Variants in SLC5A3 observed in about 807,000 individuals in gnomAD.
SLC5A3 encodes solute carrier family 5 member 3.
SLC5A3 carries 10 observed loss-of-function variants against 43.2 expected under a neutral mutation model. The observed-to-expected ratio is 0.23, with a 90% CI of 0.14 to 0.39. The LOEUF (loss-of-function observed/expected upper bound fraction) is 0.39, where lower values mean the gene tolerates loss of function less well. Ranked by LOEUF, SLC5A3 falls within the 10% of genes least tolerant of loss-of-function variation. The pLI, the probability that SLC5A3 is intolerant of heterozygous loss-of-function variation, is 1.00. For missense variants in SLC5A3, 608 were observed against 893.4 expected (o/e 0.68, Z 4.07); for synonymous variants, 349 against 322.0 (o/e 1.08, Z -0.90).
intron 1 of SLC5A3, among the ~76,000 whole-genome samples, chr21:34,078,849 G>A (rs995839742): frequency 3.3e-5 from 5 of 152,110 alleles, no homozygotes; most frequent in African/African-American, 1.2e-4. Flanking sequence ...CCTATTTAAT[G>A]TTCTTAGCTT....
intron 1 of SLC5A3, among the ~76,000 whole-genome samples, chr21:34,089,531 A>T (rs1978573124): frequency 6.6e-6 from 1 of 152,208 alleles, no homozygotes; most frequent in Non-Finnish European, 1.5e-5. Flanking sequence ...AATCAGGTTA[A>T]AATGAATATA....
intron 1 of SLC5A3, among the ~76,000 whole-genome samples, chr21:34,083,998 A>G (rs1157559390): frequency 1.3e-5 from 2 of 152,156 alleles, no homozygotes; most frequent in African/African-American, 4.8e-5. Context: ...TGCAAGAGGA[A>G]AATCCAGCTG....
At chr21:34,083,376 G>A (rs1219469550) in intron 1 of SLC5A3, among the ~76,000 whole-genome samples, 1 of 152,196 alleles carries the variant, frequency 6.6e-6, no homozygotes. Context: ...GATGCCCCGT[G>A]TATGAATTCC....
Position 34,100,757 on chromosome 21 carries a change from C to G in SLC5A3, c.*3402C>G, listed in dbSNP as rs1355716109. 2 of 999,982 alleles carry G rather than the reference C, an allele frequency of 2.0e-6. No individual in the cohort carries two copies. Among genetic ancestry groups the G allele is most frequent in the Admixed American group, 6.2e-5 (1 of 16,248 alleles). 61.9% of individuals were successfully genotyped at this position (999,982 alleles called of 1,614,324 possible). ...AATAGAGTGTGTCTGTATTCGCAGT[C>G]CATGGCTCATTTTCTTTATAGTAGG... is the stretch of plus-strand genomic sequence containing the variant. On this transcript the variant is annotated 3_prime_UTR_variant, in exon 2 of 2. Transcript: ENST00000381151.
rs905734902 is a variant in SLC5A3, at chr21:34,099,947, C to T, written c.*2592C>T. 2 of 416,314 alleles carry T rather than the reference C, an allele frequency of 4.8e-6. No individual in the cohort carries two copies. The highest frequency in any genetic ancestry group is 6.7e-6 in the Non-Finnish European group (2 of 296,744). 25.8% of individuals were successfully genotyped at this position (416,314 alleles called of 1,614,324 possible). On this transcript the variant is annotated 3_prime_UTR_variant, in exon 2 of 2. Coordinates refer to ENST00000381151, the MANE Select transcript of SLC5A3 (RefSeq NM_006933.7). ...CTTAATTCAGGGACCAGTCTTCAATCTATATTTCATTAGAATGATTGTTCC... is the reference window on the plus strand; with the variant it reads ...CTTAATTCAGGGACCAGTCTTCAATTTATATTTCATTAGAATGATTGTTCC...
Position 34,096,321 on chromosome 21 carries a change from C to T in SLC5A3, c.1123C>T (p.Leu375=), listed in dbSNP as rs762488663. Reference sequence around the variant, plus strand: ...AATGATGGCAGTGATGATTGCAGCTCTGATGAGTGACTTAGACTCTATCTT... The same window carrying T: ...AATGATGGCAGTGATGATTGCAGCTTTGATGAGTGACTTAGACTCTATCTT... The part of the protein sequence containing the change: ...GLMMAVMIAA[L]MSDLDSIFNS... The change falls in exon 2 of 2, where the codon CTG becomes TTG. Residue 375 remains leucine, a synonymous_variant. Transcript: ENST00000381151. The surrounding 1 kb of genome is among the most constrained non-coding windows in gnomAD (Gnocchi z 5.9). The T allele has an allele frequency of 9.9e-6, 16 of 1,614,116 alleles. No homozygotes were observed. In the East Asian group the frequency reaches 3.1e-4, roughly 31 times the overall value.
chr21:34,097,478 A>G lies in SLC5A3; in HGVS notation c.*123A>G, dbSNP rs2148659961. The G allele has an allele frequency of 6.9e-7, 1 of 1,449,710 alleles. No homozygotes were observed. The highest frequency in any genetic ancestry group is 9.1e-7 in the Non-Finnish European group (1 of 1,101,510). 89.8% of individuals were successfully genotyped at this position (1,449,710 alleles called of 1,614,324 possible). A position where few individuals can be genotyped will look rare whatever the true frequency, so the allele number is the denominator to read the frequency against. On this transcript the variant is annotated 3_prime_UTR_variant, in exon 2 of 2. Transcript: ENST00000381151. The stretch of plus-strand genomic sequence containing the variant: ...TGTAGGTTTTAGCCAAATTTTACTT[A>G]GCAGAAAATCATCTAATTACAAGAC...
chr21:34,101,854 A>G lies in SLC5A3; in HGVS notation c.*4499A>G, dbSNP rs1979251620. Reference sequence around the variant, plus strand: ...TAATAAAAGCACTGTTTTATTCTCAAAACTCCTTTTTCAAAAATTAGGGAG... The same window carrying G: ...TAATAAAAGCACTGTTTTATTCTCAGAACTCCTTTTTCAAAAATTAGGGAG... On this transcript the variant is annotated 3_prime_UTR_variant, in exon 2 of 2. Transcript: ENST00000381151. 1 of 999,896 alleles carries G rather than the reference A, an allele frequency of 1.0e-6. No homozygotes were observed. Among genetic ancestry groups the G allele is most frequent in the South Asian group, 4.7e-5 (1 of 21,288 alleles). 61.9% of individuals were successfully genotyped at this position (999,896 alleles called of 1,614,324 possible).
rs1979111582 is a variant in SLC5A3 at position 34,099,107 on chromosome 21, T to G, written c.*1752T>G. ...TAGTGTCTTCCCATGATCAGGAGGC[T>G]TTCTGAAGGACTGAGTCTGTAAATG... is the stretch of plus-strand genomic sequence containing the variant. On this transcript the variant is annotated 3_prime_UTR_variant, in exon 2 of 2. Coordinates refer to ENST00000381151, the MANE Select transcript of SLC5A3 (RefSeq NM_006933.7). 1 of 999,688 alleles carries G rather than the reference T, an allele frequency of 1.0e-6. No homozygotes were observed. Among genetic ancestry groups the G allele is most frequent in the Admixed American group, 6.2e-5 (1 of 16,252 alleles). The allele number at this position is 999,688 out of a possible 1,614,324, so 61.9% of individuals were successfully genotyped here. A position where few individuals can be genotyped will look rare whatever the true frequency, so the allele number is the denominator to read the frequency against.
chr21:34,097,118 T>TGAGAAAGA lies in SLC5A3; in HGVS notation c.1929_1936dup (p.Lys646ArgfsTer16). 6.2e-7 allele frequency: 1 copy of TGAGAAAGA among 1,613,766 alleles called. No individual in the cohort carries two copies. Among genetic ancestry groups the TGAGAAAGA allele is most frequent in the Non-Finnish European group, 8.5e-7 (1 of 1,179,908 alleles). ...CCAATGGGCAAGCAGCTCTCATGGGTGAGAAAGAGAGAAAGAAAGAAACGG... is the reference window on the plus strand; with the variant it reads ...CCAATGGGCAAGCAGCTCTCATGGGTGAGAAAGAGAGAAAGAGAGAAAGAAAGAAACGG... On this transcript the variant is annotated frameshift_variant, in exon 2 of 2. Transcript: ENST00000381151. LOFTEE classifies it high-confidence loss of function.
intron 1 of SLC5A3, among the ~76,000 whole-genome samples, chr21:34,077,923 A>G (rs1197342664): frequency 2.6e-5 from 4 of 152,216 alleles, no homozygotes; most frequent in Non-Finnish European, 5.9e-5. Flanking sequence ...CTAGAGTTCT[A>G]TTCAAGTTAG....
intron 1 of SLC5A3, among the ~76,000 whole-genome samples, chr21:34,087,236 C>T (rs527756280): frequency 6.7e-6 from 1 of 148,378 alleles, no homozygotes; most frequent in South Asian, 2.2e-4. Flanking sequence ...GATTGCAGAT[C>T]ACTGGTGGAG....
intron 1 of SLC5A3, among the ~76,000 whole-genome samples, chr21:34,077,385 A>T (rs1989358156): frequency 6.6e-6 from 1 of 152,228 alleles, no homozygotes; most frequent in Admixed American, 6.5e-5. Flanking sequence ...AACGCTAATT[A>T]CGTCTCGTGC....
Position 34,106,124 on chromosome 21 carries a change from T to C in SLC5A3, c.*8769T>C. The stretch of plus-strand genomic sequence containing the variant: ...TGCTGCATTAGCCTTCAAAAGTATT[T>C]GGAAACTTAAGATGAACTACATTTC... On this transcript the variant is annotated 3_prime_UTR_variant, in exon 2 of 2. Transcript: ENST00000381151. 1.0e-6 allele frequency: 1 copy of C among 997,580 alleles called. No individual in the cohort carries two copies. The highest frequency in any genetic ancestry group is 1.2e-6 in the Non-Finnish European group (1 of 827,486). 61.8% of individuals were successfully genotyped at this position (997,580 alleles called of 1,614,324 possible).
At chr21:34,078,440 ATGTATGAAGAC>A (rs1343888939) in intron 1 of SLC5A3, among the ~76,000 whole-genome samples, 2 of 152,106 alleles carry the variant, frequency 1.3e-5, no homozygotes, top group Non-Finnish European at 2.9e-5. Context: ...TATGGTTTGT[ATGTATGAAGAC>A]TGCTTGTCAG....
rs10854370 is a variant in SLC5A3, at chr21:34,094,849, C to T, written c.-336-14C>T. 197,302 of 197,302 alleles carry T rather than the reference C, an allele frequency of 1. 98,651 individuals carry two copies. Among genetic ancestry groups the T allele is most frequent in the Non-Finnish European group, 1 (98,784 of 98,784 alleles). The allele number at this position is 197,302 out of a possible 1,614,324, so 12.2% of individuals were successfully genotyped here. A position where few individuals can be genotyped will look rare whatever the true frequency, so the allele number is the denominator to read the frequency against. On this transcript the variant is annotated splice_polypyrimidine_tract_variant and intron_variant, in intron 1 of 1. Transcript: ENST00000381151. Reference sequence around the variant, plus strand: ...CTACTTCAATCTTTGTCTTTTGTCTCTGCTGCCTTGCAGGGTTGGTACAGT... The same window carrying T: ...CTACTTCAATCTTTGTCTTTTGTCTTTGCTGCCTTGCAGGGTTGGTACAGT...
rs1037446037 is a variant in SLC5A3 at position 34,101,464 on chromosome 21, T to A, written c.*4109T>A. ...GCCAGATGCTAGGTTGTTGAAGGCATTTCAGTGTTGATAATAGCCTGAGCA... is the reference window on the plus strand; with the variant it reads ...GCCAGATGCTAGGTTGTTGAAGGCAATTCAGTGTTGATAATAGCCTGAGCA... On this transcript the variant is annotated 3_prime_UTR_variant, in exon 2 of 2. Coordinates refer to ENST00000381151, the MANE Select transcript of SLC5A3 (RefSeq NM_006933.7). 1.7e-5 allele frequency: 17 copies of A among 999,990 alleles called. No individual in the cohort carries two copies. In the African/African-American group the frequency reaches 2.8e-4, roughly 16 times the overall value. The allele number at this position is 999,990 out of a possible 1,614,324, so 61.9% of individuals were successfully genotyped here. A position where few individuals can be genotyped will look rare whatever the true frequency, so the allele number is the denominator to read the frequency against.
intron 1 of SLC5A3, among the ~76,000 whole-genome samples, chr21:34,080,590 T>G (rs1989436260): frequency 6.6e-6 from 1 of 152,186 alleles, no homozygotes; most frequent in Non-Finnish European, 1.5e-5. Flanking sequence ...GCCTGCAACA[T>G]TAGGAGTATA....
At position 34,104,330 on chromosome 21, in the gene SLC5A3, A is replaced by T; in HGVS notation, c.*6975A>T. 3.0e-6 allele frequency: 3 copies of T among 999,268 alleles called. No homozygotes were observed. The highest frequency in any genetic ancestry group is 3.6e-6 in the Non-Finnish European group (3 of 829,184). 61.9% of individuals were successfully genotyped at this position (999,268 alleles called of 1,614,324 possible). A position where few individuals can be genotyped will look rare whatever the true frequency, so the allele number is the denominator to read the frequency against. ...ATCTGTTAATGTGTGTGTAGAAGAAAACGTATGTTCTTCTACTCAGCATTG... is the reference window on the plus strand; with the variant it reads ...ATCTGTTAATGTGTGTGTAGAAGAATACGTATGTTCTTCTACTCAGCATTG... On this transcript the variant is annotated 3_prime_UTR_variant, in exon 2 of 2. Coordinates refer to ENST00000381151, the MANE Select transcript of SLC5A3 (RefSeq NM_006933.7).
Sources: gnomAD v4.1 joint callset for allele counts (sites outside exome capture counted in the v4.1 genomes callset) on GRCh38, gnomAD v4.1.1 for gene constraint, Gnocchi (gnomAD v3.1) non-coding constraint, MANE v1.5 for transcripts, NCBI Gene and HGNC (gene_info 2026-07-23, HGNC 2026-07-21) for gene names.